The following REEP2 variants were observed in gnomAD, a reference collection of about 807,000 sequenced individuals.
REEP2 encodes receptor accessory protein 2, also known as receptor expression-enhancing protein 2.
In REEP2, 9 loss-of-function variants were observed where a neutral mutation model predicts 32.1. The ratio of observed to expected loss-of-function variants is 0.28; its 90% CI spans 0.17 to 0.49. REEP2 has a LOEUF of 0.49. Ranked by LOEUF, REEP2 falls within the 20% of genes least tolerant of loss-of-function variation. The pLI is 0.99. For synonymous variants in REEP2, 128 were observed against 139.1 expected, an observed-to-expected ratio of 0.92 and a Z score of 0.56; for missense variants, 236 against 338.0, an observed-to-expected ratio of 0.70 and a Z score of 2.37.
chr5:138,439,171 G>C lies in REEP2; in HGVS notation c.-38G>C, dbSNP rs1362793524. Reference sequence around the variant, plus strand: ...GCCTCAGGCAGCTGCATCCTCGGCCGGGCCGGGTCCCCGCCCCGCGCCGCG... The same window carrying C: ...GCCTCAGGCAGCTGCATCCTCGGCCCGGCCGGGTCCCCGCCCCGCGCCGCG... On this transcript the variant is annotated 5_prime_UTR_variant, in exon 1 of 8. Coordinates refer to ENST00000378339, the MANE Select transcript of REEP2 (RefSeq NM_001271803.2). 1.5e-6 allele frequency: 2 copies of C among 1,338,186 alleles called. No homozygotes were observed. The highest frequency in any genetic ancestry group is 5.7e-5 in the East Asian group (2 of 35,300). The allele number at this position is 1,338,186 out of a possible 1,614,324, so 82.9% of individuals were successfully genotyped here.
At chr5:138,440,290 A>G (rs1178676929) in intron 1 of REEP2, among the ~76,000 whole-genome samples, 1 of 152,014 alleles carries the variant, frequency 6.6e-6, no homozygotes, top group East Asian at 1.9e-4. Flanking sequence ...TCCCCCACCC[A>G]TCCCAGGGGG....
Position 138,445,282 on chromosome 5 carries a change from C to T in REEP2, c.472C>T (p.Leu158=), listed in dbSNP as rs1763905307. The T allele has an allele frequency of 3.7e-6, 6 of 1,613,558 alleles. No homozygotes were observed. In the East Asian group the frequency reaches 8.9e-5, roughly 24 times the overall value. Residue 158 remains leucine, a synonymous_variant, in exon 6 of 8, where the codon CTG becomes TTG. Transcript: ENST00000378339. The part of the protein sequence containing the change: ...LRSFSMQDLT[L]IRDEDALPLQ... ...CAGCTTCAGCATGCAGGACCTGACC[C>T]TGATCCGGGACGAGGACGCACTGCC...
At chr5:138,442,719 G>T (rs952150028) in intron 3 of REEP2, among the ~76,000 whole-genome samples, 1 of 152,100 alleles carries the variant, frequency 6.6e-6, no homozygotes, top group Admixed American at 6.6e-5. Flanking sequence ...AAATTAGCCG[G>T]GCGTGGTGGC....
At chr5:138,439,348 G>A in intron 1 of REEP2, 108 bp downstream of exon 1, 2 of 1,186,376 alleles carry the variant, frequency 1.7e-6, no homozygotes, top group Non-Finnish European at 1.2e-6. Flanking sequence ...ACCTAAAGGC[G>A]CTGCGTCCTT....
chr5:138,441,162 G>A lies in REEP2; in HGVS notation c.105+74G>A, dbSNP rs1763816500. ...GGGGAGGGCACTGGGTCCTATTACA[G>A]ATGGGGGTGACTTTGCACCAACACT... is the stretch of plus-strand genomic sequence containing the variant. On this transcript the variant is annotated intron_variant, in intron 2 of 7. Coordinates refer to ENST00000378339, the MANE Select transcript of REEP2 (RefSeq NM_001271803.2). The surrounding 1 kb of genome is among the most constrained non-coding windows in gnomAD (Gnocchi z 4.4). 6.3e-7 allele frequency: 1 copy of A among 1,582,970 alleles called. No homozygotes were observed. Among genetic ancestry groups the A allele is most frequent in the Non-Finnish European group, 8.6e-7 (1 of 1,159,238 alleles).
intron 1 of REEP2, among the ~76,000 whole-genome samples, 174 bp downstream of exon 1, chr5:138,439,414 T>C (rs965896079): frequency 2.0e-5 from 3 of 152,094 alleles, no homozygotes; most frequent in Non-Finnish European, 4.4e-5. Flanking sequence ...GGGGGGAATA[T>C]TAGGGGAGCG....
Position 138,441,883 on chromosome 5 carries a change from C to T in REEP2, c.182+422C>T, listed in dbSNP as rs551468447. On this transcript the variant is annotated intron_variant, in intron 3 of 7. Coordinates refer to ENST00000378339, the MANE Select transcript of REEP2 (RefSeq NM_001271803.2). The surrounding 1 kb of genome is among the most constrained non-coding windows in gnomAD (Gnocchi z 4.4). Reference sequence around the variant, plus strand: ...TAGAGGTTGCAGTGAGCCGAGATCGCGCCATTGCACTCCAGCCTGGGCAAC... The same window carrying T: ...TAGAGGTTGCAGTGAGCCGAGATCGTGCCATTGCACTCCAGCCTGGGCAAC... 6.6e-6 allele frequency among the ~76,000 whole-genome samples: 1 copy of T among 152,034 alleles called. No individual in the cohort carries two copies. Among genetic ancestry groups the T allele is most frequent in the South Asian group, 2.1e-4 (1 of 4,812 alleles).
intron 5 of REEP2, 68 bp from the exon 6 acceptor site, chr5:138,445,160 C>G (rs1303472891): frequency 1.3e-6 from 2 of 1,499,752 alleles, no homozygotes; most frequent in African/African-American, 2.8e-5. Context: ...GCTGCCAGCA[C>G]CATGGTGACC....
At chr5:138,442,495 G>C (rs948985936) in intron 3 of REEP2, among the ~76,000 whole-genome samples, 1 of 151,904 alleles carries the variant, frequency 6.6e-6, no homozygotes, top group Non-Finnish European at 1.5e-5. Flanking sequence ...GGCAGATCAC[G>C]AGGTCAGGAG....
intron 3 of REEP2, among the ~76,000 whole-genome samples, chr5:138,442,250 TGATCA>T (rs1200917665): frequency 6.6e-6 from 1 of 152,222 alleles, no homozygotes; most frequent in Non-Finnish European, 1.5e-5. Flanking sequence ...GTTTACTGAA[TGATCA>T]GATACCTCTT....
At chr5:138,439,387 T>C in intron 1 of REEP2, 147 bp downstream of exon 1, 1 of 743,408 alleles carries the variant, frequency 1.3e-6, no homozygotes, top group Non-Finnish European at 2.1e-6. Flanking sequence ...CATGGAGATG[T>C]GGCACCCAGG....
rs1456632718 is a variant in REEP2 at position 138,439,256 on chromosome 5, G to T, written c.32+16G>T. 1 of 1,422,164 alleles carries T rather than the reference G, an allele frequency of 7.0e-7. No homozygotes were observed. 88.1% of individuals were successfully genotyped at this position (1,422,164 alleles called of 1,614,324 possible). On this transcript the variant is annotated intron_variant, in intron 1 of 7. Coordinates refer to ENST00000378339, the MANE Select transcript of REEP2 (RefSeq NM_001271803.2). The stretch of plus-strand genomic sequence containing the variant: ...GCCTGGTGGTGTGAGTGCGGCGGCG[G>T]CGGGGGGTGATGCGGGCTGTGATGG...
At chr5:138,440,846 G>A in intron 1 of REEP2, 170 bp from the exon 2 acceptor site, 1 of 1,315,726 alleles carries the variant, frequency 7.6e-7, no homozygotes, top group Non-Finnish European at 1.0e-6. Context: ...CACCCTACCT[G>A]GCTGGGCATG....
At position 138,439,213 on chromosome 5, in the gene REEP2, T is replaced by TG; in HGVS notation, c.6dup (p.Ser3ValfsTer65). On this transcript the variant is annotated frameshift_variant, in exon 1 of 8. Coordinates refer to ENST00000378339, the MANE Select transcript of REEP2 (RefSeq NM_001271803.2). LOFTEE classifies it high-confidence loss of function. ...CGCGCCGCGCCCGGCCCCGCCATGG[T>TG]GTCCTGGATCATCTCTCGCCTGGTG... 1 of 1,378,270 alleles carries TG rather than the reference T, an allele frequency of 7.3e-7. No individual in the cohort carries two copies. Among genetic ancestry groups the TG allele is most frequent in the Non-Finnish European group, 9.4e-7 (1 of 1,065,880 alleles). The allele number at this position is 1,378,270 out of a possible 1,614,324, so 85.4% of individuals were successfully genotyped here.
rs1763913496 is a variant in REEP2, at chr5:138,445,562, G to A, written c.660G>A (p.Lys220=). ...ATGACATGGGAGACAAAGCTCCCAA[G>A]AGGGCCAAACCCATCAAAAAAGCGC... ...SEDDMGDKAP[K]RAKPIKKAPK... Residue 220 remains lysine (K), a synonymous_variant, in exon 7 of 8, where the codon AAG becomes AAA. Transcript: ENST00000378339. 2 of 1,614,216 alleles carry A rather than the reference G, an allele frequency of 1.2e-6. No individual in the cohort carries two copies. The highest frequency in any genetic ancestry group is 1.7e-6 in the Non-Finnish European group (2 of 1,180,024).
intron 5 of REEP2, 95 bp downstream of exon 5, chr5:138,444,962 A>G: frequency 2.2e-6 from 2 of 928,118 alleles, no homozygotes; most frequent in Non-Finnish European, 3.2e-6. Flanking sequence ...TCGGGGCTGT[A>G]GAGACTCTGG....
In REEP2 at chr5:138,445,390, C is replaced by T. The variant is rs200034716; in HGVS notation, c.565+15C>T. ...CGAGGACTTAGGTACAGGCAGGGCC[C>T]GGGGTTGGGGTGGGGCCCCAAGGGC... On this transcript the variant is annotated intron_variant, in intron 6 of 7. Transcript: ENST00000378339. The T allele has an allele frequency of 2.6e-3, 4,177 of 1,612,062 alleles. 7 individuals carry two copies. The highest frequency in any genetic ancestry group is 3.0e-3 in the Non-Finnish European group (3,576 of 1,178,964).
At chr5:138,440,735 G>C (rs1763808220) in intron 1 of REEP2, among the ~76,000 whole-genome samples, 1 of 152,202 alleles carries the variant, frequency 6.6e-6, no homozygotes, top group African/African-American at 2.4e-5. Flanking sequence ...GTGTAACCAA[G>C]GATCATGGCG....
intron 3 of REEP2, among the ~76,000 whole-genome samples, chr5:138,442,055 G>T (rs1387194151): frequency 6.6e-6 from 1 of 152,222 alleles, no homozygotes; most frequent in Non-Finnish European, 1.5e-5. Flanking sequence ...CCTTAGGCAG[G>T]TCACAGCTCT....
Sources: allele counts gnomAD v4.1 joint callset (sites outside exome capture counted in the v4.1 genomes callset), GRCh38; gene constraint gnomAD v4.1.1; non-coding constraint Gnocchi (gnomAD v3.1); transcripts MANE v1.5; gene names NCBI Gene and HGNC (gene_info 2026-07-23, HGNC 2026-07-21).